RAB11FIP5: variants seen among roughly 807,000 people sequenced by gnomAD.
The protein encoded by RAB11FIP5 is rab11 family-interacting protein 5.
A neutral mutation model predicts 85.1 loss-of-function variants in RAB11FIP5; 48 were observed. That is an observed-to-expected ratio of 0.56 (90% CI 0.45 to 0.72). The LOEUF (loss-of-function observed/expected upper bound fraction) is 0.72. RAB11FIP5 is among the 30% of genes least tolerant of loss of function. The pLI is 0.00. For missense variants in RAB11FIP5, 1,491 were observed against 1,687.0 expected (o/e 0.88, Z 2.04); for synonymous variants, 729 against 727.3 (o/e 1.00, Z -0.04).
chr2:73,110,061 C>A (rs1684608770), intron 1 of RAB11FIP5, among the ~76,000 whole-genome samples: 1 of 152,212 alleles, frequency 6.6e-6, no homozygotes, highest in Non-Finnish European at 1.5e-5. Flanking sequence ...TGGGATCTGT[C>A]CAGTGCCACT....
Position 73,080,084 on chromosome 2 carries a change from A to C in RAB11FIP5, c.3148T>G (p.Ser1050Ala). ...GAGACCCACACATCAGCCTGCTGGG[A>C]GGTGGCTGACAAGGACCCAAGCCCC... ...GEGLGSLSAT[S>A]QQADVWVSKE... The change falls in exon 4 of 6, where the codon TCC (serine) becomes GCC (alanine). Residue 1050 changes from serine to alanine, a missense_variant. Physicochemically the swap from Ser to Ala is moderately conservative, Grantham distance 99. Coordinates refer to ENST00000486777, the MANE Select transcript of RAB11FIP5 (RefSeq NM_001371272.1). 1 of 1,232,202 alleles carries C rather than the reference A, an allele frequency of 8.1e-7. No individual in the cohort carries two copies. Among genetic ancestry groups the C allele is most frequent in the Non-Finnish European group, 1.0e-6 (1 of 988,032 alleles). 76.3% of individuals were successfully genotyped at this position (1,232,202 alleles called of 1,614,324 possible).
In RAB11FIP5 at chr2:73,112,359, G is replaced by A; in HGVS notation, c.419C>T (p.Ala140Val). ...ALDEVFGAGR[A>V]QHTQWYKLHS... ...GCCCCCTACTCACTGCGTGTGCTGG[G>A]CGCGGCCTGCGCCGAAGACCTCGTC... is the stretch of plus-strand genomic sequence containing the variant. The change falls in exon 1 of 6, where the codon GCC (alanine) becomes GTC (valine). Residue 140 changes from alanine (A) to valine (V), a missense_variant. This residue lies in a region of RAB11FIP5 where 1,211 missense variants were observed against 1,338.0 expected (regional missense o/e 0.91). Transcript: ENST00000486777. 6.3e-7 allele frequency: 1 copy of A among 1,586,844 alleles called. No individual in the cohort carries two copies. Among genetic ancestry groups the A allele is most frequent in the Non-Finnish European group, 8.5e-7 (1 of 1,172,742 alleles).
At chr2:73,085,226 T>A (rs1684069156) in intron 3 of RAB11FIP5, among the ~76,000 whole-genome samples, 1 of 152,098 alleles carries the variant, frequency 6.6e-6, no homozygotes, top group South Asian at 2.1e-4. Context: ...AGGGACCTTG[T>A]TGCCTACCAC....
chr2:73,074,587 G>C lies in RAB11FIP5; in HGVS notation c.*934C>G, dbSNP rs1023131475. On this transcript the variant is annotated 3_prime_UTR_variant, in exon 6 of 6. Coordinates refer to ENST00000486777, the MANE Select transcript of RAB11FIP5 (RefSeq NM_001371272.1). ...ACACAGCGGGAGAGGTCGACATCCA[G>C]GGGCTCTTGACCCCGCCCACCAAAG... The C allele has an allele frequency of 6.4e-6, 1 of 155,476 alleles. No homozygotes were observed. Among genetic ancestry groups the C allele is most frequent in the East Asian group, 1.9e-4 (1 of 5,222 alleles). 9.6% of individuals were successfully genotyped at this position (155,476 alleles called of 1,614,324 possible). A position where few individuals can be genotyped will look rare whatever the true frequency, so the allele number is the denominator to read the frequency against.
At chr2:73,077,730 C>T (rs1683891131) in intron 4 of RAB11FIP5, among the ~76,000 whole-genome samples, 1 of 152,242 alleles carries the variant, frequency 6.6e-6, no homozygotes, top group Non-Finnish European at 1.5e-5. Context: ...GGAAGCCTTC[C>T]TGATTCCTCC....
rs777365368 is a variant in RAB11FIP5 at position 73,075,974 on chromosome 2, A to G, written c.3771+19T>C. 6.2e-7 allele frequency: 1 copy of G among 1,602,760 alleles called. No homozygotes were observed. The highest frequency in any genetic ancestry group is 8.5e-7 in the Non-Finnish European group (1 of 1,172,008). ...CCACACATTCTGTCAGATGGCCCCC[A>G]CACCCTGCTGGGCCTTACCTTCAGC... On this transcript the variant is annotated intron_variant, in intron 5 of 5. Coordinates refer to ENST00000486777, the MANE Select transcript of RAB11FIP5 (RefSeq NM_001371272.1). The surrounding 1 kb of genome is among the most constrained non-coding windows in gnomAD (Gnocchi z 4.6).
Position 73,088,941 on chromosome 2 carries a change from C to T in RAB11FIP5, c.806G>A (p.Gly269Glu). The T allele has an allele frequency of 1.9e-6, 3 of 1,609,440 alleles. No homozygotes were observed. The highest frequency in any genetic ancestry group is 2.5e-6 in the Non-Finnish European group (3 of 1,177,460). ...GCGGGTGAGGAGTTCGGCGCCAGGT[C>T]CCTGGTAGGCCAAGCTCCCGCTGGC... ...SSASGSLAYQ[G>E]PGAELLTRSP... The change falls in exon 2 of 6, where the codon GGA becomes GAA. Residue 269 changes from glycine to glutamate, a missense_variant. Gly to Glu is a moderately conservative substitution (Grantham distance 98, BLOSUM62 -2). Transcript: ENST00000486777.
At chr2:73,087,628 G>C (rs1684114702) in intron 3 of RAB11FIP5, among the ~76,000 whole-genome samples, 1 of 152,194 alleles carries the variant, frequency 6.6e-6, no homozygotes. Context: ...GCTCCAGAGA[G>C]GGGAAGGGAA....
In RAB11FIP5 at chr2:73,080,365, C is replaced by A. The variant is rs905133531; in HGVS notation, c.2867G>T (p.Arg956Leu). Residue 956 changes from arginine (R) to leucine (L), a missense_variant, in exon 4 of 6, where the codon CGT (arginine) becomes CTT (leucine). Physicochemically the swap from Arg to Leu is moderately radical, Grantham distance 102 (BLOSUM62 -2). Transcript: ENST00000486777. ...GCAGCTGTCAGACTCCTCCGACTCA[C>A]GCTTCTCTCCCTCCTCCTTGGTCTC... Reference protein sequence around the residue: ...PPETKEEGEKRESEESDSCSS... With the variant: ...PPETKEEGEKLESEESDSCSS... The A allele has an allele frequency of 2.4e-6, 3 of 1,232,768 alleles. No individual in the cohort carries two copies. In the Admixed American group the frequency reaches 1.3e-4, roughly 52 times the overall value. The allele number at this position is 1,232,768 out of a possible 1,614,324, so 76.4% of individuals were successfully genotyped here. A position where few individuals can be genotyped will look rare whatever the true frequency, so the allele number is the denominator to read the frequency against.
rs1190132249 is a variant in RAB11FIP5, at chr2:73,089,884, C to CACACAT, written c.432-570_432-569insATGTGT. Among the ~76,000 whole-genome samples, 2 of 13,704 alleles carry CACACAT rather than the reference C, an allele frequency of 1.5e-4. No homozygotes were observed. Among genetic ancestry groups the CACACAT allele is most frequent in the Non-Finnish European group, 3.6e-4 (2 of 5,492 alleles). 9.0% of individuals were successfully genotyped at this position (13,704 alleles called of 152,430 possible). ...TAGTGCATACACTCATGTATGTATA[C>CACACAT]ACACACACACACACACACACACACA... On this transcript the variant is annotated intron_variant, in intron 1 of 5. Transcript: ENST00000486777. The surrounding 1 kb of genome is among the most constrained non-coding windows in gnomAD (Gnocchi z 4.6).
In RAB11FIP5 at chr2:73,081,349, G is replaced by A; in HGVS notation, c.1883C>T (p.Pro628Leu). The A allele has an allele frequency of 1.6e-6, 2 of 1,232,894 alleles. No individual in the cohort carries two copies. Among genetic ancestry groups the A allele is most frequent in the Non-Finnish European group, 2.0e-6 (2 of 988,532 alleles). 76.4% of individuals were successfully genotyped at this position (1,232,894 alleles called of 1,614,324 possible). ...GGTGGGGCTGGCCCTCGAGGCACTGGGGAGAGAGGGAGCAGGTGAAGGAGA... is the reference window on the plus strand; with the variant it reads ...GGTGGGGCTGGCCCTCGAGGCACTGAGGAGAGAGGGAGCAGGTGAAGGAGA... The part of the protein sequence containing the change: ...LNSPSPAPSL[P>L]SASRASPTPL... Residue 628 changes from proline to leucine, a missense_variant, in exon 4 of 6, where the codon CCC becomes CTC. Pro to Leu is a moderately conservative substitution (Grantham distance 98). Coordinates refer to ENST00000486777, the MANE Select transcript of RAB11FIP5 (RefSeq NM_001371272.1). The surrounding 1 kb of genome is among the most constrained non-coding windows in gnomAD (Gnocchi z 4.2).
chr2:73,090,262 C>T (rs1219923503), intron 1 of RAB11FIP5, among the ~76,000 whole-genome samples: 1 of 152,158 alleles, frequency 6.6e-6, no homozygotes, highest in Admixed American at 6.5e-5. Context: ...CAGAGACAGC[C>T]CCCAACACAC....
At chr2:73,107,415 C>T (rs1684549410) in intron 1 of RAB11FIP5, among the ~76,000 whole-genome samples, 1 of 152,196 alleles carries the variant, frequency 6.6e-6, no homozygotes, top group Non-Finnish European at 1.5e-5. Context: ...CAGAGAAGGA[C>T]AGCCCTCAAG....
intron 1 of RAB11FIP5, among the ~76,000 whole-genome samples, chr2:73,105,335 C>T (rs911443432): frequency 6.6e-6 from 1 of 152,102 alleles, no homozygotes; most frequent in African/African-American, 2.4e-5. Context: ...CTTGAACTCC[C>T]GGGCTCAAGT....
At chr2:73,097,137 A>T (rs1684334423) in intron 1 of RAB11FIP5, among the ~76,000 whole-genome samples, 1 of 152,134 alleles carries the variant, frequency 6.6e-6, no homozygotes, top group Admixed American at 6.5e-5. Context: ...CCCCAGGTCC[A>T]AGCGATTCTC....
chr2:73,088,036 T>C lies in RAB11FIP5; in HGVS notation c.1568+14A>G. On this transcript the variant is annotated intron_variant, in intron 3 of 5. Coordinates refer to ENST00000486777, the MANE Select transcript of RAB11FIP5 (RefSeq NM_001371272.1). ...CCTCCCCAAGGAGCAAAGTTGGTCT[T>C]GCCAACGACTTACCTGGGTTTCTGA... 6.4e-7 allele frequency: 1 copy of C among 1,573,170 alleles called. No individual in the cohort carries two copies. Among genetic ancestry groups the C allele is most frequent in the Non-Finnish European group, 8.6e-7 (1 of 1,158,880 alleles).
rs145680144 is a variant in RAB11FIP5 at position 73,107,311 on chromosome 2, G to A, written c.431+5036C>T. ...GTCCCTGCGTAGGGTGAGAAGGGCA[G>A]GAGAACATCTGGACAAGGCCAGGCC... On this transcript the variant is annotated intron_variant, in intron 1 of 5. Coordinates refer to ENST00000486777, the MANE Select transcript of RAB11FIP5 (RefSeq NM_001371272.1). Among the ~76,000 whole-genome samples, 1,430 of 152,362 alleles carry A rather than the reference G, an allele frequency of 9.4e-3. 14 individuals carry two copies. The highest frequency in any genetic ancestry group is 0.032 in the African/African-American group (1,338 of 41,570).
chr2:73,075,155 T>G lies in RAB11FIP5; in HGVS notation c.*366A>C. ...GAAATGGCTGACCATCCTTGGGGGATAATAAAGTATGTGCTAGCAACCAGT... is the reference window on the plus strand; with the variant it reads ...GAAATGGCTGACCATCCTTGGGGGAGAATAAAGTATGTGCTAGCAACCAGT... On this transcript the variant is annotated 3_prime_UTR_variant, in exon 6 of 6. Transcript: ENST00000486777. This position sits in a 1 kb window ranked among gnomAD's most constrained non-coding sequence, Gnocchi z 4.6. 6.0e-6 allele frequency: 3 copies of G among 497,794 alleles called. No homozygotes were observed. Among genetic ancestry groups the G allele is most frequent in the Non-Finnish European group, 7.8e-6 (2 of 257,818 alleles). 30.8% of individuals were successfully genotyped at this position (497,794 alleles called of 1,614,324 possible).
intron 1 of RAB11FIP5, among the ~76,000 whole-genome samples, chr2:73,107,608 C>T (rs1002147283): frequency 6.6e-6 from 1 of 152,104 alleles, no homozygotes; most frequent in African/African-American, 2.4e-5. Context: ...GAGGAGCTGC[C>T]CAGCCTGACT....
Sources: gnomAD v4.1 joint callset for allele counts (sites outside exome capture counted in the v4.1 genomes callset) on GRCh38, gnomAD v4.1.1 for gene constraint, gnomAD v4.1.1 regional missense constraint, Gnocchi (gnomAD v3.1) non-coding constraint, MANE v1.5 for transcripts, NCBI Gene and HGNC (gene_info 2026-07-23, HGNC 2026-07-21) for gene names.